The following RMND5A variants were observed in gnomAD, a reference collection of about 807,000 sequenced individuals.
RMND5A encodes required for meiotic nuclear division 5 homolog A, also known as E3 ubiquitin-protein transferase RMND5A.
Under a neutral mutation model 49.7 loss-of-function variants are expected in RMND5A, and 17 were observed. The observed-to-expected ratio is 0.34, with a 90% CI of 0.23 to 0.51. RMND5A has a LOEUF of 0.51. RMND5A is among the 20% of genes least tolerant of loss of function. The pLI is 0.96. For missense variants in RMND5A, 255 were observed against 471.3 expected (o/e 0.54, Z 4.25); for synonymous variants, 156 against 167.7 (o/e 0.93, Z 0.54).
Position 86,745,928 on chromosome 2 carries a change from C to T in RMND5A, c.285+4859C>T, listed in dbSNP as rs569685093. 1.1e-4 allele frequency among the ~76,000 whole-genome samples: 16 copies of T among 152,230 alleles called. No individual in the cohort carries two copies. The South Asian group carries it at 1.2e-3, about 12-fold the overall frequency. On this transcript the variant is annotated intron_variant, in intron 2 of 8. Transcript: ENST00000283632. ...TACTAGGAAATCACTGAGGCCATTG[C>T]AGAGCTGGTAATGTTGAAGGGGAAC... is the stretch of plus-strand genomic sequence containing the variant.
chr2:86,748,607 G>A (rs567332046), intron 2 of RMND5A: 100 of 152,208 alleles, frequency 6.6e-4, no homozygotes, highest in African/African-American at 2.4e-3. Context: ...AAAGAAAATT[G>A]TTTAAATATT....
chr2:86,769,989 C>T (rs777044123), intron 6 of RMND5A, 34 bp from the exon 7 acceptor site: 1 of 1,521,550 alleles, frequency 6.6e-7, no homozygotes, highest in South Asian at 1.1e-5. Flanking sequence ...TGACCCCTGG[C>T]CTGGCACTGA....
rs748426192 is a variant in RMND5A, at chr2:86,765,816, T to TA, written c.689-42dup. The TA allele has an allele frequency of 3.1e-4, 498 of 1,587,236 alleles. 2 individuals carry two copies. The highest frequency in any genetic ancestry group is 3.0e-3 in the Middle Eastern group (18 of 5,998). On this transcript the variant is annotated intron_variant, in intron 5 of 8. Coordinates refer to ENST00000283632, the MANE Select transcript of RMND5A (RefSeq NM_022780.4). Reference sequence around the variant, plus strand: ...GGTATTCTTGCTTTTCGCAGCTTATTACTGCAAGCAAACTAATGCTTTCTT... The same window carrying TA: ...GGTATTCTTGCTTTTCGCAGCTTATTAACTGCAAGCAAACTAATGCTTTCTT...
intron 7 of RMND5A, among the ~76,000 whole-genome samples, chr2:86,771,125 G>A (rs746990983): frequency 4.6e-5 from 7 of 151,764 alleles, no homozygotes; most frequent in Non-Finnish European, 1.0e-4. Flanking sequence ...TAGCACTCCT[G>A]CTCTACTGCC....
chr2:86,775,324 CTTTCTTTTTTTTTT>C lies in RMND5A; in HGVS notation c.*1917_*1930del, dbSNP rs1236225567. Reference sequence around the variant, plus strand: ...AACCTAGAGTGTTGTATTTTTCTTTCTTTCTTTTTTTTTTTTTTTTTTTTTACCCTTTTTCTCCT... The same window carrying C: ...AACCTAGAGTGTTGTATTTTTCTTTCTTTTTTTTTTTACCCTTTTTCTCCT... On this transcript the variant is annotated 3_prime_UTR_variant, in exon 9 of 9. Coordinates refer to ENST00000283632, the MANE Select transcript of RMND5A (RefSeq NM_022780.4). 12 of 78,434 alleles carry C rather than the reference CTTTCTTTTTTTTTT, an allele frequency of 1.5e-4. No homozygotes were observed. Among genetic ancestry groups the C allele is most frequent in the African/African-American group, 4.8e-4 (10 of 20,624 alleles). The allele number at this position is 78,434 out of a possible 1,614,324, so 4.9% of individuals were successfully genotyped here.
chr2:86,726,504 G>C (rs1157900755), intron 1 of RMND5A, among the ~76,000 whole-genome samples: 1 of 72,078 alleles, frequency 1.4e-5, no homozygotes, highest in Non-Finnish European at 2.7e-5. Flanking sequence ...CTGGAAAATA[G>C]TATATCAGTA....
chr2:86,748,725 G>A (rs1681581251), intron 2 of RMND5A, among the ~76,000 whole-genome samples: 1 of 152,224 alleles, frequency 6.6e-6, no homozygotes, highest in East Asian at 1.9e-4. Context: ...ACTGTCAGAT[G>A]GTAGCTTATT....
chr2:86,771,104 C>T (rs1006257482), intron 7 of RMND5A, among the ~76,000 whole-genome samples: 1 of 152,170 alleles, frequency 6.6e-6, no homozygotes, highest in South Asian at 2.1e-4. Flanking sequence ...TGAGTGTGGT[C>T]AGGACACAAG....
At chr2:86,768,249 G>A (rs1672632568) in intron 6 of RMND5A, among the ~76,000 whole-genome samples, 1 of 152,214 alleles carries the variant, frequency 6.6e-6, no homozygotes, top group Non-Finnish European at 1.5e-5. Flanking sequence ...AGAAACTGTT[G>A]TAAGAAAATA....
At position 86,753,598 on chromosome 2, in the gene RMND5A, C is replaced by T. The variant is rs553942545; in HGVS notation, c.521+40C>T. 7 of 1,063,052 alleles carry T rather than the reference C, an allele frequency of 6.6e-6. No homozygotes were observed. The East Asian group carries it at 1.2e-4, about 18-fold the overall frequency. The allele number at this position is 1,063,052 out of a possible 1,614,324, so 65.9% of individuals were successfully genotyped here. A position where few individuals can be genotyped will look rare whatever the true frequency, so the allele number is the denominator to read the frequency against. On this transcript the variant is annotated intron_variant, in intron 4 of 8. Coordinates refer to ENST00000283632, the MANE Select transcript of RMND5A (RefSeq NM_022780.4). Reference sequence around the variant, plus strand: ...TGCTTTCTTTTGAGTACTTTGAGAACTCTCTGTAAGAAAACTCAATCAGAA... The same window carrying T: ...TGCTTTCTTTTGAGTACTTTGAGAATTCTCTGTAAGAAAACTCAATCAGAA...
chr2:86,743,251 G>C (rs79801186), intron 2 of RMND5A, among the ~76,000 whole-genome samples: 4,929 of 152,170 alleles, frequency 0.032, 279 homozygotes, highest in African/African-American at 0.11. Flanking sequence ...TGGATATCAA[G>C]GGAACACATT....
chr2:86,766,054 AG>A (rs1389468198), intron 6 of RMND5A, 30 bp downstream of exon 6: 1 of 1,581,912 alleles, frequency 6.3e-7, no homozygotes, highest in South Asian at 1.1e-5. Context: ...CTGTTATTGA[AG>A]TATGCACTGC....
intron 4 of RMND5A, among the ~76,000 whole-genome samples, chr2:86,757,640 G>T (rs1291560626): frequency 6.6e-6 from 1 of 152,150 alleles, no homozygotes; most frequent in Non-Finnish European, 1.5e-5. Flanking sequence ...CATACATATT[G>T]AAAGAAAGCA....
chr2:86,765,253 T>G, intron 5 of RMND5A, 60 bp downstream of exon 5: 1 of 1,335,398 alleles, frequency 7.5e-7, no homozygotes, highest in Non-Finnish European at 1.0e-6. Context: ...CCACTGTAAC[T>G]TAACAGTTCT....
chr2:86,720,963 C>T (rs554153223), intron 1 of RMND5A, 154 bp downstream of exon 1: 35 of 595,060 alleles, frequency 5.9e-5, no homozygotes, highest in Middle Eastern at 4.8e-4. Flanking sequence ...AGACTTTTTC[C>T]CCTCTTCGTC....
intron 2 of RMND5A, among the ~76,000 whole-genome samples, chr2:86,744,734 T>G (rs1437611142): frequency 2.7e-5 from 4 of 150,910 alleles, no homozygotes; most frequent in African/African-American, 9.8e-5. Context: ...TAGGCTGGAG[T>G]GCAGTGACAC....
chr2:86,755,417 C>A (rs542657114), intron 4 of RMND5A, among the ~76,000 whole-genome samples: 1 of 152,190 alleles, frequency 6.6e-6, no homozygotes, highest in Non-Finnish European at 1.5e-5. Context: ...CCAATGTGCC[C>A]GAGAAAGCCT....
At chr2:86,766,062 C>G in intron 6 of RMND5A, 38 bp downstream of exon 6, 1 of 1,546,062 alleles carries the variant, frequency 6.5e-7, no homozygotes, top group Non-Finnish European at 8.8e-7. Flanking sequence ...GAAGTATGCA[C>G]TGCATTATCA....
intron 1 of RMND5A, among the ~76,000 whole-genome samples, chr2:86,732,858 CTT>C (rs1393276395): frequency 1.8e-5 from 2 of 110,332 alleles, no homozygotes; most frequent in Admixed American, 1.9e-4. Flanking sequence ...CCAGGGGACT[CTT>C]TTGTGAATGT....
Sources: allele counts gnomAD v4.1 joint callset (sites outside exome capture counted in the v4.1 genomes callset), GRCh38; gene constraint gnomAD v4.1.1; transcripts MANE v1.5; gene names NCBI Gene and HGNC (gene_info 2026-07-23, HGNC 2026-07-21).